ATPAF2: variants seen among roughly 807,000 people sequenced by gnomAD.
ATPAF2 encodes the protein ATP synthase mitochondrial F1 complex assembly factor 2.
A neutral mutation model predicts 36.6 loss-of-function variants in ATPAF2; 30 were observed. That is an observed-to-expected ratio of 0.82 (90% CI 0.61 to 1.11). The LOEUF (loss-of-function observed/expected upper bound fraction) is 1.11. Ranked by LOEUF, ATPAF2 falls within the 50% of genes most tolerant of loss-of-function variation. The pLI, the probability that ATPAF2 is intolerant of heterozygous loss-of-function variation, is 0.00. For missense variants in ATPAF2, 321 were observed against 372.3 expected, an observed-to-expected ratio of 0.86 and a Z score of 1.13; for synonymous variants, 140 against 152.6, an observed-to-expected ratio of 0.92 and a Z score of 0.61.
In ATPAF2 at chr17:18,026,385, G is replaced by A. The variant is rs778511701; in HGVS notation, c.356C>T (p.Pro119Leu). ...CAGCTGATCCTTGTTTCTCTGGGTT[G>A]GGTTGTCCAATGATGTGTTGCACAA... ...TTLCNTSLDN[P>L]TQRNKDQLIR... The change falls in exon 4 of 8, where the codon CCA becomes CTA. Residue 119 changes from proline to leucine, a missense_variant. Physicochemically the swap from Pro to Leu is moderately conservative, Grantham distance 98. Around this residue, in one of 3 missense-constraint regions of ATPAF2, gnomAD observed 199 missense variants for 220.6 expected, o/e 0.90. Transcript: ENST00000474627. 2 of 1,614,206 alleles carry A rather than the reference G, an allele frequency of 1.2e-6. No homozygotes were observed. Among genetic ancestry groups the A allele is most frequent in the Non-Finnish European group, 1.7e-6 (2 of 1,180,042 alleles).
chr17:18,032,471 C>T (rs1001891924), intron 1 of ATPAF2, among the ~76,000 whole-genome samples: 10 of 152,128 alleles, frequency 6.6e-5, no homozygotes, highest in Middle Eastern at 3.2e-3. Flanking sequence ...GAAAATGAGA[C>T]GGCAGAAGGG....
At chr17:18,032,391 T>C (rs112634603) in intron 1 of ATPAF2, among the ~76,000 whole-genome samples, 3 of 152,152 alleles carry the variant, frequency 2.0e-5, no homozygotes, top group African/African-American at 4.8e-5. Context: ...AAAAACTAGA[T>C]GGGAGTGGGA....
At chr17:18,021,511 C>G (rs563878669) in intron 6 of ATPAF2, 2 of 626,962 alleles carry the variant, frequency 3.2e-6, no homozygotes, top group South Asian at 3.7e-5. Flanking sequence ...TGACCCAAGC[C>G]AGGGCAATGA....
At chr17:18,017,171 CAAAAAAAAAAAAAAAAAAAAAA>C (rs59274380), downstream of ATPAF2, among the ~76,000 whole-genome samples, 120 of 43,648 alleles carry the variant, frequency 2.7e-3, 1 homozygote, top group Middle Eastern at 0.016. Flanking sequence ...GACTTCGTCT[CAAAAAAAAAAAAAAAAAAAAAA>C]AAAAAAAAAA....
At chr17:18,021,934 G>T in intron 5 of ATPAF2, 77 bp from the exon 6 acceptor site, 2 of 1,271,224 alleles carry the variant, frequency 1.6e-6, no homozygotes, top group Non-Finnish European at 2.3e-6. Flanking sequence ...TAGAAACAAA[G>T]GCCTAAGCTT....
Position 18,018,666 on chromosome 17 carries a change from A to T in ATPAF2, c.753T>A (p.Ile251=), listed in dbSNP as rs904598078. 3 of 1,613,870 alleles carry T rather than the reference A, an allele frequency of 1.9e-6. No individual in the cohort carries two copies. The highest frequency in any genetic ancestry group is 2.5e-6 in the Non-Finnish European group (3 of 1,179,970). The change falls in exon 8 of 8, where the codon ATT becomes ATA. Residue 251 remains isoleucine (I), a synonymous_variant. Coordinates refer to ENST00000474627, the MANE Select transcript of ATPAF2 (RefSeq NM_145691.4). ...EEYQIQKWGN[I]EWAHDYELQE... The stretch of plus-strand genomic sequence containing the variant: ...GCAGCTCATAGTCATGGGCCCACTC[A>T]ATGTTGCCCCACTTCTGGATCTGAG...
intron 1 of ATPAF2, among the ~76,000 whole-genome samples, chr17:18,037,409 C>A (rs1261545528): frequency 6.6e-6 from 1 of 152,154 alleles, no homozygotes; most frequent in Non-Finnish European, 1.5e-5. Flanking sequence ...TCAATATAAA[C>A]CCCATCTCTA....
intron 7 of ATPAF2, among the ~76,000 whole-genome samples, chr17:18,019,185 A>ACACACACC (rs1313379853): frequency 5.8e-4 from 85 of 146,348 alleles, no homozygotes; most frequent in Non-Finnish European, 7.7e-4. Context: ...ACACACACAC[A>ACACACACC]CCCCACCACC....
At position 18,021,813 on chromosome 17, in the gene ATPAF2, C is replaced by G. The variant is rs776406701; in HGVS notation, c.548G>C (p.Ser183Thr). Residue 183 changes from serine to threonine, a missense_variant, in exon 6 of 8, where the codon AGC becomes ACC. Physicochemically the swap from Ser to Thr is moderately conservative, Grantham distance 58. Transcript: ENST00000474627. ...ISSSTSIMGPSIPAKTREVLV... is the reference protein window; with the variant it reads ...ISSSTSIMGPTIPAKTREVLV... ...CACCTCCCGAGTTTTGGCAGGGATGCTGGGTCCCATTATGCTGGTGGAGGA... is the reference window on the plus strand; with the variant it reads ...CACCTCCCGAGTTTTGGCAGGGATGGTGGGTCCCATTATGCTGGTGGAGGA... 4.3e-6 allele frequency: 7 copies of G among 1,614,176 alleles called. No homozygotes were observed. Among genetic ancestry groups the G allele is most frequent in the Non-Finnish European group, 5.9e-6 (7 of 1,180,038 alleles).
rs140311716 is a variant in ATPAF2 at position 18,018,598 on chromosome 17, T to C, written c.821A>G (p.His274Arg). The C allele has an allele frequency of 3.1e-6, 5 of 1,613,932 alleles. No individual in the cohort carries two copies. In the Admixed American group the frequency reaches 8.3e-5, roughly 27 times the overall value. Residue 274 changes from histidine to arginine, a missense_variant, in exon 8 of 8, where the codon CAT (histidine) becomes CGT (arginine). Physicochemically the swap from His to Arg is conservative, Grantham distance 29 (BLOSUM62 0). Around this residue, in one of 3 missense-constraint regions of ATPAF2, gnomAD observed 199 missense variants for 220.6 expected, o/e 0.90. Coordinates refer to ENST00000474627, the MANE Select transcript of ATPAF2 (RefSeq NM_145691.4). ...GACTGTGGTGCTCTCGGAGCAGAGATGGATGAAGAGGGTGCCGGCGGCGGT... is the reference window on the plus strand; with the variant it reads ...GACTGTGGTGCTCTCGGAGCAGAGACGGATGAAGAGGGTGCCGGCGGCGGT... ...ARTAAGTLFIHLCSESTTVKH... is the reference protein window; with the variant it reads ...ARTAAGTLFIRLCSESTTVKH...
At chr17:18,016,607 A>T (rs139361529), downstream of ATPAF2, 4 of 1,613,862 alleles carry the variant, frequency 2.5e-6, no homozygotes, top group Non-Finnish European at 3.4e-6. Flanking sequence ...AAGGAGATCA[A>T]TCAGTACATC....
At chr17:18,016,607 A>G (rs139361529), downstream of ATPAF2, 412 of 1,613,976 alleles carry the variant, frequency 2.6e-4, 2 homozygotes, top group East Asian at 7.5e-3. Flanking sequence ...AAGGAGATCA[A>G]TCAGTACATC....
At chr17:18,019,354 T>G (rs998606586) in intron 7 of ATPAF2, among the ~76,000 whole-genome samples, 3 of 152,230 alleles carry the variant, frequency 2.0e-5, no homozygotes, top group Non-Finnish European at 2.9e-5. Flanking sequence ...GAGGAGGCCT[T>G]ATGTGCCATC....
intron 3 of ATPAF2, 77 bp downstream of exon 3, chr17:18,028,155 C>T (rs760698992): frequency 1.0e-5 from 16 of 1,590,862 alleles, no homozygotes; most frequent in Middle Eastern, 1.7e-4. Flanking sequence ...AGGGCCTTGT[C>T]GGAATTTGGT....
In ATPAF2 at chr17:18,021,552, C is replaced by T. The variant is rs546190798; in HGVS notation, c.616+193G>A. 2.0e-5 allele frequency: 13 copies of T among 645,982 alleles called. 1 individual carries two copies. The highest frequency in any genetic ancestry group is 1.8e-4 in the African/African-American group (10 of 55,482). The allele number at this position is 645,982 out of a possible 1,614,324, so 40.0% of individuals were successfully genotyped here. ...AACTCAAGACTTCTGCTGGCGAAGT[C>T]GAAGGTGGAAAGGTGTGAGCCTAGA... On this transcript the variant is annotated intron_variant, in intron 6 of 7. Transcript: ENST00000474627.
intron 1 of ATPAF2, among the ~76,000 whole-genome samples, chr17:18,033,400 G>A (rs1262201693): frequency 6.7e-6 from 1 of 150,096 alleles, no homozygotes; most frequent in East Asian, 2.0e-4. Flanking sequence ...TGGACAATTC[G>A]TTTGGGGGAT....
intron 4 of ATPAF2, 31 bp downstream of exon 4, chr17:18,026,288 C>G: frequency 6.3e-7 from 1 of 1,582,238 alleles, no homozygotes; most frequent in African/African-American, 1.3e-5. Flanking sequence ...AGCCTCAATC[C>G]AAGGGGAATG....
chr17:18,031,907 G>A (rs1357434519), intron 1 of ATPAF2, among the ~76,000 whole-genome samples: 2 of 152,178 alleles, frequency 1.3e-5, no homozygotes, highest in African/African-American at 4.8e-5. Context: ...AAAATTAGAA[G>A]TTTACAGCAC....
chr17:18,034,537 A>T (rs1036924621), intron 1 of ATPAF2, among the ~76,000 whole-genome samples: 2 of 152,252 alleles, frequency 1.3e-5, no homozygotes, highest in African/African-American at 4.8e-5. Flanking sequence ...CCACAATGAG[A>T]TACCACTTCA....
Sources: gnomAD v4.1 joint callset for allele counts (sites outside exome capture counted in the v4.1 genomes callset) on GRCh38, gnomAD v4.1.1 for gene constraint, gnomAD v4.1.1 regional missense constraint, MANE v1.5 for transcripts, NCBI Gene and HGNC (gene_info 2026-07-23, HGNC 2026-07-21) for gene names.